The following CMTM4 variants were observed in gnomAD, a reference collection of about 807,000 sequenced individuals.
The protein encoded by CMTM4 is CKLF-like MARVEL transmembrane domain-containing protein 4.
In CMTM4, 8 loss-of-function variants were observed where a neutral mutation model predicts 19.0. The ratio of observed to expected loss-of-function variants is 0.42; its 90% confidence interval spans 0.25 to 0.76. The LOEUF is 0.76. Among genes scored for constraint, CMTM4 ranks in the 30% least tolerant of loss-of-function variants. The pLI is 0.27. For missense variants in CMTM4, 228 were observed against 290.2 expected (o/e 0.79, Z 1.56); for synonymous variants, 106 against 121.1 (o/e 0.88, Z 0.82).
intron 2 of CMTM4, among the ~76,000 whole-genome samples, chr16:66,630,850 G>A (rs959944202): frequency 1.3e-5 from 2 of 151,726 alleles, no homozygotes; most frequent in Non-Finnish European, 2.9e-5. Flanking sequence ...TCTAGGAAGT[G>A]AGGAGCGTCT....
chr16:66,657,132 TG>T (rs1172721214), intron 1 of CMTM4, among the ~76,000 whole-genome samples: 1 of 150,762 alleles, frequency 6.6e-6, no homozygotes, highest in African/African-American at 2.5e-5. Context: ...TCACCCAGGC[TG>T]GAGTGCAATG....
chr16:66,675,225 C>T (rs1189342475), intron 1 of CMTM4, among the ~76,000 whole-genome samples: 1 of 151,252 alleles, frequency 6.6e-6, no homozygotes, highest in African/African-American at 2.4e-5. Flanking sequence ...GGATTACAGG[C>T]ATGCGCCAAC....
chr16:66,684,159 A>T (rs1248579356), intron 1 of CMTM4, among the ~76,000 whole-genome samples: 1 of 152,040 alleles, frequency 6.6e-6, no homozygotes, highest in Non-Finnish European at 1.5e-5. Context: ...TTGAAATATA[A>T]TTAGTACCCA....
At chr16:66,677,651 C>CT (rs1316293612) in intron 1 of CMTM4, among the ~76,000 whole-genome samples, 1 of 152,194 alleles carries the variant, frequency 6.6e-6, no homozygotes, top group African/African-American at 2.4e-5. Flanking sequence ...GACACAGGCC[C>CT]TTAAAGGCCA....
Position 66,617,475 on chromosome 16 carries a change from G to A in CMTM4, c.*4583C>T, listed in dbSNP as rs1468466300. ...GACCCACTCCGCTTCAAGCTAAAGA[G>A]TGTACAAAATGCCACTCACTTGCAT... On this transcript the variant is annotated 3_prime_UTR_variant, in exon 4 of 4. Coordinates refer to ENST00000394106, the MANE Select transcript of CMTM4 (RefSeq NM_181521.3). The A allele has an allele frequency of 1.5e-5, 22 of 1,456,618 alleles. No homozygotes were observed. In the East Asian group the frequency reaches 5.5e-4, roughly 37 times the overall value. 90.2% of individuals were successfully genotyped at this position (1,456,618 alleles called of 1,614,324 possible).
chr16:66,598,325 G>A, the CMTM4 span, among the ~76,000 whole-genome samples: 1 of 152,064 alleles, frequency 6.6e-6, no homozygotes, highest in African/African-American at 2.4e-5. Flanking sequence ...GATGGATGGT[G>A]ACATCATGAG....
chr16:66,644,178 C>T (rs1205482714), intron 1 of CMTM4, among the ~76,000 whole-genome samples: 6 of 152,186 alleles, frequency 3.9e-5, no homozygotes, highest in African/African-American at 9.7e-5. Context: ...AAATGGCACA[C>T]AAAATTGCTT....
intron 1 of CMTM4, among the ~76,000 whole-genome samples, chr16:66,666,321 C>T (rs2016593215): frequency 1.3e-5 from 2 of 151,768 alleles, no homozygotes; most frequent in Non-Finnish European, 2.9e-5. Context: ...GGCGTCATGG[C>T]GGGCGCCTGT....
At chr16:66,609,673 A>G in the CMTM4 span, 1 of 1,536,350 alleles carries the variant, frequency 6.5e-7, no homozygotes, top group Non-Finnish European at 8.8e-7. The surrounding 1 kb of genome is among the most constrained non-coding windows in gnomAD (Gnocchi z 4.4). Flanking sequence ...AAGTCCTCTC[A>G]TTAAAGACTG....
chr16:66,654,882 T>C (rs765876084), intron 1 of CMTM4, among the ~76,000 whole-genome samples: 3 of 152,220 alleles, frequency 2.0e-5, no homozygotes, highest in South Asian at 2.1e-4. Flanking sequence ...CTGTCCTTAC[T>C]ATGTGAAAGG....
At chr16:66,660,417 C>G (rs1255879356) in intron 1 of CMTM4, among the ~76,000 whole-genome samples, 1 of 149,916 alleles carries the variant, frequency 6.7e-6, no homozygotes, top group Non-Finnish European at 1.5e-5. Flanking sequence ...CAAAACTCCA[C>G]CATAAAAGGT....
intron 1 of CMTM4, among the ~76,000 whole-genome samples, chr16:66,673,071 ATTTTTTTT>A (rs758565705): frequency 0.05 from 4,357 of 86,692 alleles, 124 homozygotes; most frequent in East Asian, 0.18. Flanking sequence ...CACCACACCA[ATTTTTTTT>A]TTTTTTTTTT....
rs1312246482 is a variant in CMTM4, at chr16:66,696,529, G to A, written c.-4C>T. ...CCAGCTCCTCGCCGCTCCGCATGCTGCCGCCCGGCCCGGGCCGCCTCGCGC... is the reference window on the plus strand; with the variant it reads ...CCAGCTCCTCGCCGCTCCGCATGCTACCGCCCGGCCCGGGCCGCCTCGCGC... On this transcript the variant is annotated 5_prime_UTR_variant, in exon 1 of 4. Coordinates refer to ENST00000394106, the MANE Select transcript of CMTM4 (RefSeq NM_181521.3). This position sits in a 1 kb window ranked among gnomAD's most constrained non-coding sequence, Gnocchi z 4.3. 2 of 1,192,264 alleles carry A rather than the reference G, an allele frequency of 1.7e-6. No individual in the cohort carries two copies. The highest frequency in any genetic ancestry group is 2.1e-6 in the Non-Finnish European group (2 of 962,620). The allele number at this position is 1,192,264 out of a possible 1,614,324, so 73.9% of individuals were successfully genotyped here. A position where few individuals can be genotyped will look rare whatever the true frequency, so the allele number is the denominator to read the frequency against.
chr16:66,619,640 C>G lies in CMTM4; in HGVS notation c.*2418G>C. 1 of 985,238 alleles carries G rather than the reference C, an allele frequency of 1.0e-6. No homozygotes were observed. The highest frequency in any genetic ancestry group is 1.1e-4 in the East Asian group (1 of 8,806). 61.0% of individuals were successfully genotyped at this position (985,238 alleles called of 1,614,324 possible). A position where few individuals can be genotyped will look rare whatever the true frequency, so the allele number is the denominator to read the frequency against. ...CGTCTTCATATTCACCTTGGATAAC[C>G]CTATTCCCTCCAGAACTTTCGTCAC... On this transcript the variant is annotated 3_prime_UTR_variant, in exon 4 of 4. Transcript: ENST00000394106.
At chr16:66,602,041 C>T in the CMTM4 span, among the ~76,000 whole-genome samples, 4 of 152,188 alleles carry the variant, frequency 2.6e-5, no homozygotes, top group Non-Finnish European at 5.9e-5. Context: ...TGTCTGGAGC[C>T]ACGGCTGCCA....
At chr16:66,607,788 T>C in the CMTM4 span, among the ~76,000 whole-genome samples, 1 of 150,234 alleles carries the variant, frequency 6.7e-6, no homozygotes, top group South Asian at 2.1e-4. Context: ...CTCAGGGCCA[T>C]GCCCAGGACT....
chr16:66,667,170 C>A (rs1311887836), intron 1 of CMTM4, among the ~76,000 whole-genome samples: 1 of 151,802 alleles, frequency 6.6e-6, no homozygotes, highest in Non-Finnish European at 1.5e-5. Context: ...GCTAAAAATA[C>A]AAAAATTTGC....
chr16:66,696,247 AG>A lies in CMTM4; in HGVS notation c.186+92del. 1.1e-6 allele frequency: 1 copy of A among 944,352 alleles called. No homozygotes were observed. Among genetic ancestry groups the A allele is most frequent in the Non-Finnish European group, 1.4e-6 (1 of 725,232 alleles). The allele number at this position is 944,352 out of a possible 1,614,324, so 58.5% of individuals were successfully genotyped here. On this transcript the variant is annotated intron_variant, in intron 1 of 3. Transcript: ENST00000394106. This position sits in a 1 kb window ranked among gnomAD's most constrained non-coding sequence, Gnocchi z 4.3. The stretch of plus-strand genomic sequence containing the variant: ...CGAGGAGCGGGCTCCGGCCTGGGCA[AG>A]CGGGTACGCGGCGGAGGCCCCGCAG...
chr16:66,642,285 A>G (rs1372605388), intron 1 of CMTM4, among the ~76,000 whole-genome samples: 2 of 152,268 alleles, frequency 1.3e-5, no homozygotes, highest in East Asian at 3.8e-4. Flanking sequence ...TGAACAAATT[A>G]TACAGAGATG....
Sources: allele counts gnomAD v4.1 joint callset (sites outside exome capture counted in the v4.1 genomes callset), GRCh38; gene constraint gnomAD v4.1.1; non-coding constraint Gnocchi (gnomAD v3.1); transcripts MANE v1.5; gene names NCBI Gene and HGNC (gene_info 2026-07-23, HGNC 2026-07-21).